FAM117B: variants seen among roughly 807,000 people sequenced by gnomAD.
FAM117B encodes the protein family with sequence similarity 117 member B, also known as protein FAM117B.
Under a neutral mutation model 52.8 loss-of-function variants are expected in FAM117B, and 22 were observed. The observed-to-expected ratio is 0.42, with a 90% CI of 0.30 to 0.59. The LOEUF is 0.59. Ranked by LOEUF, FAM117B falls within the 20% of genes least tolerant of loss-of-function variation. The pLI is 0.22. For synonymous variants in FAM117B, 309 were observed against 324.1 expected (o/e 0.95, Z 0.50); for missense variants, 678 against 802.6 (o/e 0.84, Z 1.88).
At chr2:202,677,181 C>T (rs1690390562) in intron 1 of FAM117B, among the ~76,000 whole-genome samples, 1 of 152,004 alleles carries the variant, frequency 6.6e-6, no homozygotes, top group Non-Finnish European at 1.5e-5. Context: ...GATTCTCCTG[C>T]CTCAGCCTCC....
At chr2:202,747,668 C>T (rs1033561164) in intron 4 of FAM117B, among the ~76,000 whole-genome samples, 3 of 151,600 alleles carry the variant, frequency 2.0e-5, no homozygotes. Flanking sequence ...AGTGAACTAG[C>T]TAAAAAAGAA....
intron 2 of FAM117B, among the ~76,000 whole-genome samples, chr2:202,702,796 A>G (rs1208911916): frequency 2.0e-5 from 3 of 152,120 alleles, no homozygotes; most frequent in South Asian, 2.1e-4. Context: ...CTCGTGATCC[A>G]TCTGCCTCGG....
chr2:202,702,101 A>G (rs1412324311), intron 2 of FAM117B, among the ~76,000 whole-genome samples: 3 of 152,308 alleles, frequency 2.0e-5, no homozygotes, highest in Non-Finnish European at 4.4e-5. Context: ...TCTTATTTTA[A>G]GAAATTGCTG....
chr2:202,757,293 G>A lies in FAM117B; in HGVS notation c.1185G>A (p.Gln395=), dbSNP rs1263120609. The A allele has an allele frequency of 2.5e-6, 4 of 1,614,102 alleles. No homozygotes were observed. The South Asian group carries it at 3.3e-5, about 13-fold the overall frequency. Residue 395 remains glutamine (Q), a synonymous_variant, in exon 6 of 8, where the codon CAG becomes CAA. Transcript: ENST00000392238. ...RSSSTRSIDT[Q]TPGGADRGSN... is the part of the protein sequence containing the mutation. ...GCAGCACGCGCAGCATTGACACACA[G>A]ACGCCTGGTGGGGCAGACAGGGGAA...
intron 1 of FAM117B, among the ~76,000 whole-genome samples, chr2:202,664,311 A>G (rs987355251): frequency 2.6e-5 from 4 of 152,250 alleles, no homozygotes; most frequent in African/African-American, 9.6e-5. Context: ...TGGTAGGAAA[A>G]ATGATAAAAA....
At chr2:202,728,700 C>A (rs1691294834) in intron 4 of FAM117B, among the ~76,000 whole-genome samples, 1 of 152,128 alleles carries the variant, frequency 6.6e-6, no homozygotes, top group Non-Finnish European at 1.5e-5. Context: ...TTTAGGACTT[C>A]AGAAGTTTCT....
In FAM117B at chr2:202,684,990, A is replaced by T. The variant is rs10931997; in HGVS notation, c.602-10891A>T. On this transcript the variant is annotated intron_variant, in intron 1 of 7. Coordinates refer to ENST00000392238, the MANE Select transcript of FAM117B (RefSeq NM_173511.4). ...AAACCACATGATTATCTCAAAAAAA[A>T]TTTTTTTTTTTTGAGAGAGTCTTGC... Among the ~76,000 whole-genome samples the T allele has an allele frequency of 7.2e-3, 1,068 of 148,060 alleles. 15 individuals are homozygous for T. Among genetic ancestry groups the T allele is most frequent in the African/African-American group, 0.023 (916 of 40,626 alleles).
intron 1 of FAM117B, among the ~76,000 whole-genome samples, chr2:202,643,811 G>A (rs565107137): frequency 5.3e-5 from 8 of 152,188 alleles, no homozygotes; most frequent in African/African-American, 1.7e-4. Context: ...TTGGGTTCAA[G>A]CAATTCTTAT....
intron 2 of FAM117B, among the ~76,000 whole-genome samples, chr2:202,708,960 T>G (rs1458614075): frequency 3.3e-5 from 5 of 152,186 alleles, no homozygotes; most frequent in Admixed American, 3.3e-4. Context: ...GCTCTACTGT[T>G]TAGTATTCCC....
At chr2:202,683,328 CAAA>C (rs907764684) in intron 1 of FAM117B, among the ~76,000 whole-genome samples, 1 of 150,570 alleles carries the variant, frequency 6.6e-6, no homozygotes, top group South Asian at 2.1e-4. Context: ...GACTCTGTCT[CAAA>C]AAAACAAAAA....
chr2:202,765,699 A>G lies in FAM117B; in HGVS notation c.1705A>G (p.Ser569Gly), dbSNP rs1322042067. 2.5e-6 allele frequency: 4 copies of G among 1,614,128 alleles called. 1 individual carries two copies. Among genetic ancestry groups the G allele is most frequent in the Admixed American group, 3.3e-5 (2 of 60,020 alleles). Residue 569 changes from serine (S) to glycine (G), a missense_variant, in exon 8 of 8, where the codon AGT (serine) becomes GGT (glycine). This residue lies in a region of FAM117B where 68 missense variants were observed against 80.6 expected (regional missense o/e 0.84). Transcript: ENST00000392238. ...TEQDRVSRGTSTVMPSASLLP... is the reference protein window; with the variant it reads ...TEQDRVSRGTGTVMPSASLLP... ...GCAAGACCGAGTCTCTCGAGGAACA[A>G]GTACAGTCATGCCATCAGCTTCTCT...
chr2:202,763,668 C>T (rs530016494), intron 7 of FAM117B, among the ~76,000 whole-genome samples: 55 of 152,264 alleles, frequency 3.6e-4, no homozygotes, highest in African/African-American at 1.3e-3. Flanking sequence ...ATACTTGTGG[C>T]ACTAAAAGTA....
chr2:202,765,339 A>C, intron 7 of FAM117B, 107 bp from the exon 8 acceptor site: 20 of 1,072,438 alleles, frequency 1.9e-5, no homozygotes, highest in South Asian at 4.9e-5. Flanking sequence ...CTGTGATGTA[A>C]GTTAACTGTT....
intron 1 of FAM117B, among the ~76,000 whole-genome samples, chr2:202,672,673 T>C (rs2105766368): frequency 6.6e-6 from 1 of 152,356 alleles, no homozygotes; most frequent in Middle Eastern, 3.4e-3. Context: ...ATTTCCTTTT[T>C]AAAGTTTTGA....
chr2:202,711,627 C>T (rs1377047909), intron 2 of FAM117B, among the ~76,000 whole-genome samples: 2 of 152,124 alleles, frequency 1.3e-5, no homozygotes, highest in Non-Finnish European at 2.9e-5. Flanking sequence ...CCCAGACAAA[C>T]ATCATGGAGA....
In FAM117B at chr2:202,635,561, C is replaced by A; in HGVS notation, c.374C>A (p.Pro125His). The stretch of plus-strand genomic sequence containing the variant: ...GCGACGTCCACGCGAGGCACCAGCC[C>A]CACGCGCAGCGCCGCGCCTGGAGCT... ...ASATSTRGTS[P>H]TRSAAPGARG... The change falls in exon 1 of 8, where the codon CCC becomes CAC. Residue 125 changes from proline to histidine, a missense_variant. Coordinates refer to ENST00000392238, the MANE Select transcript of FAM117B (RefSeq NM_173511.4). 1 of 1,218,020 alleles carries A rather than the reference C, an allele frequency of 8.2e-7. No homozygotes were observed. The highest frequency in any genetic ancestry group is 3.5e-5 in the South Asian group (1 of 28,670). The allele number at this position is 1,218,020 out of a possible 1,614,324, so 75.5% of individuals were successfully genotyped here. A position where few individuals can be genotyped will look rare whatever the true frequency, so the allele number is the denominator to read the frequency against.
intron 4 of FAM117B, among the ~76,000 whole-genome samples, chr2:202,738,497 T>G (rs1691475172): frequency 6.6e-6 from 1 of 152,226 alleles, no homozygotes; most frequent in Non-Finnish European, 1.5e-5. Flanking sequence ...AATATATTTC[T>G]GAATTATCTA....
intron 1 of FAM117B, among the ~76,000 whole-genome samples, chr2:202,642,299 A>T: frequency 6.7e-6 from 1 of 148,516 alleles, no homozygotes. Context: ...GGCTTTAGGC[A>T]CTCACAGTTA....
chr2:202,669,094 T>G (rs1690252571), intron 1 of FAM117B, among the ~76,000 whole-genome samples: 1 of 152,130 alleles, frequency 6.6e-6, no homozygotes, highest in Admixed American at 6.5e-5. Flanking sequence ...AAGCAGAGAT[T>G]AAATACATTG....
Sources: gnomAD v4.1 joint callset for allele counts (sites outside exome capture counted in the v4.1 genomes callset) on GRCh38, gnomAD v4.1.1 for gene constraint, gnomAD v4.1.1 regional missense constraint, MANE v1.5 for transcripts, NCBI Gene and HGNC (gene_info 2026-07-23, HGNC 2026-07-21) for gene names.